Variants in GABRG2 observed in about 807,000 individuals in gnomAD.
GABRG2 encodes the protein gamma-aminobutyric acid receptor subunit gamma-2.
Under a neutral mutation model 56.4 loss-of-function variants are expected in GABRG2, and 16 were observed. The ratio of observed to expected loss-of-function variants is 0.28; its 90% CI spans 0.19 to 0.43. GABRG2 has a LOEUF of 0.43. Ranked by LOEUF, GABRG2 falls within the 20% of genes least tolerant of loss-of-function variation. GABRG2 has a pLI of 1.00. For synonymous variants in GABRG2, 208 were observed against 205.5 expected (o/e 1.01, Z -0.10); for missense variants, 327 against 582.7 (o/e 0.56, Z 4.52).
At chr5:162,116,744 G>A (rs1762651323) in intron 6 of GABRG2, among the ~76,000 whole-genome samples, 1 of 152,028 alleles carries the variant, frequency 6.6e-6, no homozygotes, top group Non-Finnish European at 1.5e-5. Context: ...GAGGGGCCCA[G>A]TCACCAGATC....
chr5:162,069,050 G>C lies in GABRG2; in HGVS notation c.107+944G>C, dbSNP rs956368322. Among the ~76,000 whole-genome samples the C allele has an allele frequency of 4.6e-5, 7 of 152,216 alleles. No homozygotes were observed. The South Asian group carries it at 1.5e-3, about 32-fold the overall frequency. ...CACTGAATAGAAAAAAAAAGGTAAG[G>C]CTGGAGACTGGACTCCTGAAAACCC... On this transcript the variant is annotated intron_variant, in intron 1 of 9. Coordinates refer to ENST00000639213, the MANE Select transcript of GABRG2 (RefSeq NM_198904.4).
chr5:162,139,199 C>T (rs946795321), intron 6 of GABRG2, among the ~76,000 whole-genome samples: 2 of 152,154 alleles, frequency 1.3e-5, no homozygotes, highest in Non-Finnish European at 2.9e-5. Context: ...AATACTGTAA[C>T]TTTAATGTCA....
intron 6 of GABRG2, among the ~76,000 whole-genome samples, chr5:162,124,806 C>A (rs1036620141): frequency 2.6e-5 from 4 of 151,664 alleles, no homozygotes; most frequent in African/African-American, 4.8e-5. Context: ...TCTAAATATT[C>A]CTAATAGCTA....
At chr5:162,151,657 C>CTTTTTTTTTT in intron 8 of GABRG2, 73 bp from the exon 9 acceptor site, 1 of 1,246,880 alleles carries the variant, frequency 8.0e-7, no homozygotes, top group Admixed American at 2.0e-5. Flanking sequence ...TTGTCTCTCT[C>CTTTTTTTTTT]TTTTTTTTTC....
intron 6 of GABRG2, among the ~76,000 whole-genome samples, chr5:162,122,845 T>C (rs1218673722): frequency 1.3e-5 from 2 of 151,428 alleles, no homozygotes; most frequent in African/African-American, 4.8e-5. Flanking sequence ...AAAGACTTTG[T>C]AAAGCAAATA....
chr5:162,074,998 T>C (rs992714527), intron 1 of GABRG2, among the ~76,000 whole-genome samples: 7 of 152,138 alleles, frequency 4.6e-5, no homozygotes, highest in Non-Finnish European at 8.8e-5. Flanking sequence ...AGGAGATAAG[T>C]AATTGAACAG....
chr5:162,106,542 AACT>A (rs1274081054), intron 6 of GABRG2, among the ~76,000 whole-genome samples: 1 of 152,184 alleles, frequency 6.6e-6, no homozygotes, highest in Non-Finnish European at 1.5e-5. Context: ...ATAGCTGTGT[AACT>A]AATGAATGTC....
intron 6 of GABRG2, among the ~76,000 whole-genome samples, chr5:162,136,916 A>AT (rs548488018): frequency 7.9e-4 from 121 of 152,306 alleles, no homozygotes; most frequent in African/African-American, 2.7e-3. Flanking sequence ...CAACTCCTTG[A>AT]TGGCAAAAGC....
At chr5:162,096,383 G>A (rs1760996642) in intron 3 of GABRG2, among the ~76,000 whole-genome samples, 1 of 152,018 alleles carries the variant, frequency 6.6e-6, no homozygotes. Flanking sequence ...CTTGTTTTAG[G>A]AATAACAGTC....
At chr5:162,149,695 C>T (rs1162318981) in intron 8 of GABRG2, 11 of 516,002 alleles carry the variant, frequency 2.1e-5, no homozygotes, top group Non-Finnish European at 3.8e-5. Context: ...CTTACTGCAA[C>T]CTCTGCCTCC....
intron 3 of GABRG2, among the ~76,000 whole-genome samples, chr5:162,096,458 A>G (rs935507355): frequency 6.6e-6 from 1 of 152,158 alleles, no homozygotes; most frequent in Non-Finnish European, 1.5e-5. Flanking sequence ...TTTTTTATTC[A>G]TGGCTTTTCT....
rs115708309 is a variant in GABRG2 at position 162,086,374 on chromosome 5, C to A, written c.108-7454C>A. Among the ~76,000 whole-genome samples the A allele has an allele frequency of 1.7e-4, 26 of 152,164 alleles. 1 individual carries two copies. The highest frequency in any genetic ancestry group is 5.8e-4 in the African/African-American group (24 of 41,550). ...AAAACAACACCTTTGAAGACAGAAG[C>A]AGTTCTTGTCCTTAGATGCTTAATG... On this transcript the variant is annotated intron_variant, in intron 1 of 9. Transcript: ENST00000639213.
intron 1 of GABRG2, among the ~76,000 whole-genome samples, chr5:162,092,689 A>G (rs185875743): frequency 2.2e-4 from 34 of 152,278 alleles, no homozygotes; most frequent in Admixed American, 2.0e-3. Context: ...ATATATGAAT[A>G]TATACATTTA....
intron 4 of GABRG2, 76 bp from the exon 5 acceptor site, chr5:162,101,159 T>A (rs1179859007): frequency 1.0e-6 from 1 of 967,798 alleles, no homozygotes; most frequent in Non-Finnish European, 1.6e-6. Flanking sequence ...AGAAAAACAA[T>A]CATTTAAAAT....
At chr5:162,118,714 A>G (rs1488248198) in intron 6 of GABRG2, among the ~76,000 whole-genome samples, 1 of 152,110 alleles carries the variant, frequency 6.6e-6, no homozygotes, top group Non-Finnish European at 1.5e-5. Context: ...TCAAGTTCCT[A>G]CTTCTCACTC....
At chr5:162,102,448 T>C in intron 5 of GABRG2, 3 of 452,036 alleles carry the variant, frequency 6.6e-6, no homozygotes, top group Non-Finnish European at 1.3e-5. Flanking sequence ...CACAATTTAA[T>C]ATTACTCATT....
At chr5:162,088,208 C>T (rs1284860830) in intron 1 of GABRG2, among the ~76,000 whole-genome samples, 2 of 152,040 alleles carry the variant, frequency 1.3e-5, no homozygotes, top group Admixed American at 6.6e-5. Context: ...TAAAGAGTAG[C>T]CAGTCCTCCT....
chr5:162,097,050 A>G (rs1761049804), intron 3 of GABRG2, among the ~76,000 whole-genome samples: 1 of 152,054 alleles, frequency 6.6e-6, no homozygotes, highest in Non-Finnish European at 1.5e-5. Flanking sequence ...TAGATTCTTC[A>G]TGATCCCTAT....
chr5:162,129,355 CA>C (rs1763557081), intron 6 of GABRG2: 1 of 151,866 alleles, frequency 6.6e-6, no homozygotes, highest in Admixed American at 6.6e-5. Context: ...AGTCTTAAAA[CA>C]TCACTAAGGG....
Sources: allele counts gnomAD v4.1 joint callset (sites outside exome capture counted in the v4.1 genomes callset), GRCh38; gene constraint gnomAD v4.1.1; transcripts MANE v1.5; gene names NCBI Gene and HGNC (gene_info 2026-07-23, HGNC 2026-07-21).